The following USF3 variants were observed in gnomAD, a reference collection of about 807,000 sequenced individuals.
USF3 encodes the protein upstream transcription factor family member 3.
Under a neutral mutation model 157.5 loss-of-function variants are expected in USF3, and 29 were observed. The observed-to-expected ratio is 0.18, with a 90% CI of 0.14 to 0.25. The LOEUF is 0.25. Ranked by LOEUF, USF3 falls within the 10% of genes least tolerant of loss-of-function variation. USF3 has a pLI of 1.00. For missense variants in USF3, 2,381 were observed against 2,667.6 expected, an observed-to-expected ratio of 0.89 and a Z score of 2.37; for synonymous variants, 893 against 941.4, an observed-to-expected ratio of 0.95 and a Z score of 0.94.
intron 5 of USF3, among the ~76,000 whole-genome samples, chr3:113,665,982 C>G (rs888242208): frequency 6.6e-6 from 1 of 151,884 alleles, no homozygotes; most frequent in East Asian, 1.9e-4. Flanking sequence ...GTCAGGAGTT[C>G]GAAACCAGCC....
intron 5 of USF3, among the ~76,000 whole-genome samples, chr3:113,665,382 A>G (rs1947547943): frequency 6.6e-6 from 1 of 152,270 alleles, no homozygotes; most frequent in African/African-American, 2.4e-5. Context: ...TATTCTAAAT[A>G]ATAGGCCAAG....
Position 113,655,239 on chromosome 3 carries a change from A to G in USF3, c.6443T>C (p.Leu2148Ser), listed in dbSNP as rs1408332001. ...TAAAATTGATCCAAATCGGTTATTT[A>G]AACTTCCACTGTTTACCTTCTCTGT... Reference protein sequence around the residue: ...PSTEKVNSGSLNNRFGSILSP... With the variant: ...PSTEKVNSGSSNNRFGSILSP... Residue 2148 changes from leucine (L) to serine (S), a missense_variant, in exon 7 of 7, where the codon TTA (leucine) becomes TCA (serine). Around this residue, in one of 6 missense-constraint regions of USF3, gnomAD observed 770 missense variants for 824.2 expected, o/e 0.93. Transcript: ENST00000316407. 2.5e-6 allele frequency: 4 copies of G among 1,614,194 alleles called. No homozygotes were observed. The highest frequency in any genetic ancestry group is 3.4e-6 in the Non-Finnish European group (4 of 1,180,020).
intron 5 of USF3, among the ~76,000 whole-genome samples, chr3:113,667,600 C>G (rs1947589768): frequency 6.6e-6 from 1 of 152,098 alleles, no homozygotes; most frequent in Admixed American, 6.5e-5. Flanking sequence ...ATACATGGAG[C>G]CGGGCATTGT....
Position 113,655,292 on chromosome 3 carries a change from A to C in USF3, c.6390T>G (p.Phe2130Leu). The C allele has an allele frequency of 4.3e-6, 7 of 1,614,152 alleles. No individual in the cohort carries two copies. The highest frequency in any genetic ancestry group is 5.9e-6 in the Non-Finnish European group (7 of 1,180,012). Reference protein sequence around the residue: ...TLSNDISIPYFPNQMFSNPST... With the variant: ...TLSNDISIPYLPNQMFSNPST... Reference sequence around the variant, plus strand: ...TAGGATTTGAGAACATCTGATTAGGAAAATAGGGGATTGAAATATCATTGG... The same window carrying C: ...TAGGATTTGAGAACATCTGATTAGGCAAATAGGGGATTGAAATATCATTGG... Residue 2130 changes from phenylalanine to leucine, a missense_variant, in exon 7 of 7, where the codon TTT (phenylalanine) becomes TTG (leucine). By Grantham distance (22) the Phe-to-Leu change is conservative. Around this residue, in one of 6 missense-constraint regions of USF3, gnomAD observed 770 missense variants for 824.2 expected, o/e 0.93. Coordinates refer to ENST00000316407, the MANE Select transcript of USF3 (RefSeq NM_001009899.4).
rs771013668 is a variant in USF3, at chr3:113,654,725, T to C, written c.*219A>G. Reference sequence around the variant, plus strand: ...TGGAAATGTAAATCTACTTGGAAAATAAAAAAGTACACCATGCAGTTGAAA... The same window carrying C: ...TGGAAATGTAAATCTACTTGGAAAACAAAAAAGTACACCATGCAGTTGAAA... On this transcript the variant is annotated 3_prime_UTR_variant, in exon 7 of 7. Transcript: ENST00000316407. 90 of 508,876 alleles carry C rather than the reference T, an allele frequency of 1.8e-4. No individual in the cohort carries two copies. Among genetic ancestry groups the C allele is most frequent in the Non-Finnish European group, 2.8e-4 (81 of 294,264 alleles). 31.5% of individuals were successfully genotyped at this position (508,876 alleles called of 1,614,324 possible).
In USF3 at chr3:113,649,892, C is replaced by G; in HGVS notation, c.*5052G>C. 1 of 698,632 alleles carries G rather than the reference C, an allele frequency of 1.4e-6. No individual in the cohort carries two copies. Among genetic ancestry groups the G allele is most frequent in the Non-Finnish European group, 2.6e-6 (1 of 383,204 alleles). The allele number at this position is 698,632 out of a possible 1,614,324, so 43.3% of individuals were successfully genotyped here. A position where few individuals can be genotyped will look rare whatever the true frequency, so the allele number is the denominator to read the frequency against. ...GAATGCAGACAGAATATAGTTAAAT[C>G]CAAAAAAGGCCCTTTTCTTTCAAAC... On this transcript the variant is annotated 3_prime_UTR_variant, in exon 7 of 7. Transcript: ENST00000316407.
rs2107917221 is a variant in USF3, at chr3:113,656,161, C to T, written c.5521G>A (p.Glu1841Lys). ...CCACACTGTGTATTCCTCTGATGTT[C>T]TGAGAGTGACCTCTGGCTCCCAATG... ...QVIGSQRSLS[E>K]HQRNTQCGPS... is the part of the protein sequence containing the mutation. The change falls in exon 7 of 7, where the codon GAA (glutamate) becomes AAA (lysine). Residue 1841 changes from glutamate (E) to lysine (K), a missense_variant. Transcript: ENST00000316407. 1.9e-6 allele frequency: 3 copies of T among 1,614,144 alleles called. No individual in the cohort carries two copies. Among genetic ancestry groups the T allele is most frequent in the Non-Finnish European group, 2.5e-6 (3 of 1,180,018 alleles).
chr3:113,671,095 A>T (rs1707144511), intron 4 of USF3, among the ~76,000 whole-genome samples: 1 of 152,216 alleles, frequency 6.6e-6, no homozygotes, highest in Non-Finnish European at 1.5e-5. Flanking sequence ...AATTAAAAAC[A>T]AATAGGAATT....
intron 2 of USF3, among the ~76,000 whole-genome samples, chr3:113,675,475 T>C (rs78647942): frequency 0.015 from 2,313 of 152,294 alleles, 46 homozygotes; most frequent in African/African-American, 0.051. Context: ...GAAAATTCTA[T>C]ATATATTTCA....
chr3:113,661,264 T>C lies in USF3; in HGVS notation c.418A>G (p.Ser140Gly). Residue 140 changes from serine (S) to glycine (G), a missense_variant, in exon 7 of 7, where the codon AGT becomes GGT. Physicochemically the swap from Ser to Gly is moderately conservative, Grantham distance 56. Coordinates refer to ENST00000316407, the MANE Select transcript of USF3 (RefSeq NM_001009899.4). ...KNSKVSVVIP[S>G]DQVQKKIIVY... ...ATAATTTTTTTTTGAACCTGGTCAC[T>C]AGGAATAACAACAGAGACCTTTGAG... is the stretch of plus-strand genomic sequence containing the variant. The C allele has an allele frequency of 6.2e-7, 1 of 1,614,056 alleles. No homozygotes were observed. The highest frequency in any genetic ancestry group is 8.5e-7 in the Non-Finnish European group (1 of 1,179,942).
At chr3:113,693,908 G>C (rs959130153) in intron 1 of USF3, among the ~76,000 whole-genome samples, 11 of 152,222 alleles carry the variant, frequency 7.2e-5, no homozygotes, top group Non-Finnish European at 1.2e-4. Flanking sequence ...GGGAAAGTTG[G>C]ACACATGAGT....
At position 113,656,083 on chromosome 3, in the gene USF3, T is replaced by C. The variant is rs766075931; in HGVS notation, c.5599A>G (p.Ile1867Val). Reference protein sequence around the residue: ...NCPPTHENVHIRRESESQNRE... With the variant: ...NCPPTHENVHVRRESESQNRE... ...TTCTGACTCTCACTCTCTCTTCTAA[T>C]ATGGACATTTTCATGAGTTGGGGGA... Residue 1867 changes from isoleucine (I) to valine (V), a missense_variant, in exon 7 of 7, where the codon ATT becomes GTT. Physicochemically the swap from Ile to Val is conservative, Grantham distance 29. This residue lies in a region of USF3 where 770 missense variants were observed against 824.2 expected (regional missense o/e 0.93). Transcript: ENST00000316407. The C allele has an allele frequency of 6.2e-7, 1 of 1,614,182 alleles. No homozygotes were observed. Among genetic ancestry groups the C allele is most frequent in the Non-Finnish European group, 8.5e-7 (1 of 1,180,018 alleles).
chr3:113,663,459 G>T (rs980730894), intron 6 of USF3, among the ~76,000 whole-genome samples: 1 of 152,188 alleles, frequency 6.6e-6, no homozygotes, highest in Non-Finnish European at 1.5e-5. Flanking sequence ...CTAGGTGAGG[G>T]GGGGAAGCTG....
At chr3:113,691,963 G>A (rs548159821) in intron 1 of USF3, among the ~76,000 whole-genome samples, 2 of 152,262 alleles carry the variant, frequency 1.3e-5, no homozygotes, top group East Asian at 1.9e-4. Context: ...GACTGGTTTC[G>A]TGGAAGACAA....
chr3:113,675,517 T>C (rs755061194), intron 2 of USF3, among the ~76,000 whole-genome samples: 6 of 152,196 alleles, frequency 3.9e-5, no homozygotes, highest in Admixed American at 6.5e-5. Context: ...ACATGCACTA[T>C]TGGAAAATAT....
intron 6 of USF3, among the ~76,000 whole-genome samples, chr3:113,662,112 G>A (rs555625254): frequency 2.6e-5 from 4 of 152,328 alleles, no homozygotes; most frequent in African/African-American, 7.2e-5. Context: ...CTCCCAAAGT[G>A]CTGGGATTAC....
At chr3:113,681,913 G>A (rs1236808092) in intron 1 of USF3, among the ~76,000 whole-genome samples, 1 of 151,744 alleles carries the variant, frequency 6.6e-6, no homozygotes, top group Non-Finnish European at 1.5e-5. Context: ...TAGAGACGGG[G>A]TTTCACCATG....
At chr3:113,666,821 C>A (rs921787898) in intron 5 of USF3, among the ~76,000 whole-genome samples, 3 of 151,816 alleles carry the variant, frequency 2.0e-5, no homozygotes, top group African/African-American at 7.3e-5. Context: ...ATCTCCTGAC[C>A]TCATTATCTG....
Position 113,660,024 on chromosome 3 carries a change from A to G in USF3, c.1658T>C (p.Ile553Thr), listed in dbSNP as rs748015978. ...GGTGGTGCTAGGTGGCTGAAGAATT[A>G]TAACATTTTGATTAGTTGGAGCTGA... is the stretch of plus-strand genomic sequence containing the variant. Reference protein sequence around the residue: ...VNSAPTNQNVIILQPPSTTPC... With the variant: ...VNSAPTNQNVTILQPPSTTPC... The change falls in exon 7 of 7, where the codon ATA becomes ACA. Residue 553 changes from isoleucine to threonine, a missense_variant. By Grantham distance (89) the Ile-to-Thr change is moderately conservative (BLOSUM62 -1). Coordinates refer to ENST00000316407, the MANE Select transcript of USF3 (RefSeq NM_001009899.4). 25 of 1,614,100 alleles carry G rather than the reference A, an allele frequency of 1.5e-5. No homozygotes were observed. The highest frequency in any genetic ancestry group is 1.2e-4 in the Admixed American group (7 of 59,998).
Sources: gnomAD v4.1 joint callset for allele counts (sites outside exome capture counted in the v4.1 genomes callset) on GRCh38, gnomAD v4.1.1 for gene constraint, gnomAD v4.1.1 regional missense constraint, MANE v1.5 for transcripts, NCBI Gene and HGNC (gene_info 2026-07-23, HGNC 2026-07-21) for gene names.